Variants in IRX4 observed in about 807,000 individuals in gnomAD.
IRX4 encodes iroquois homeobox 4.
In IRX4, 22 loss-of-function variants were observed where a neutral mutation model predicts 32.0. The observed-to-expected ratio is 0.69, with a 90% CI of 0.49 to 0.98. The LOEUF (loss-of-function observed/expected upper bound fraction) is 0.98. IRX4 is among the 50% of genes least tolerant of loss of function. The pLI, the probability that IRX4 is intolerant of heterozygous loss-of-function variation, is 0.00. For missense variants in IRX4, 840 were observed against 744.2 expected, an observed-to-expected ratio of 1.13 and a Z score of -1.50; for synonymous variants, 379 against 351.7, an observed-to-expected ratio of 1.08 and a Z score of -0.87.
At position 1,878,903 on chromosome 5, in the gene IRX4, G is replaced by A. The variant is rs1579249660; in HGVS notation, c.737-111C>T. The A allele has an allele frequency of 1.2e-5, 14 of 1,151,052 alleles. No homozygotes were observed. In the South Asian group the frequency reaches 1.4e-4, roughly 12 times the overall value. The allele number at this position is 1,151,052 out of a possible 1,614,324, so 71.3% of individuals were successfully genotyped here. A position where few individuals can be genotyped will look rare whatever the true frequency, so the allele number is the denominator to read the frequency against. ...GTTCCCGACGCTACGAAAAGCACTC[G>A]GGGCCTCTCTTCGCGTCTCCCATTT... On this transcript the variant is annotated intron_variant, in intron 4 of 4. Coordinates refer to ENST00000231357, the MANE Select transcript of IRX4 (RefSeq NM_016358.3).
At chr5:1,887,141 C>T (rs935008556), upstream of IRX4, 23 of 151,706 alleles carry the variant, frequency 1.5e-4, no homozygotes, top group African/African-American at 5.1e-4. Context: ...AGCGGGGAGC[C>T]GGCGACAACT....
In IRX4 at chr5:1,877,844, C is replaced by T. The variant is rs116657720; in HGVS notation, c.*125G>A. The T allele has an allele frequency of 2.4e-3, 2,076 of 872,212 alleles. 19 individuals are homozygous for T. The highest frequency in any genetic ancestry group is 0.023 in the African/African-American group (1,286 of 55,480). 54.0% of individuals were successfully genotyped at this position (872,212 alleles called of 1,614,324 possible). ...GTTCCCAGGAGTCCAAGTTCAGAAG[C>T]CCCCTCTCCGGTGGGTTGGCGGCTT... On this transcript the variant is annotated 3_prime_UTR_variant, in exon 5 of 5. Coordinates refer to ENST00000231357, the MANE Select transcript of IRX4 (RefSeq NM_016358.3).
In IRX4 at chr5:1,877,904, A is replaced by G; in HGVS notation, c.*65T>C. 1.4e-6 allele frequency: 2 copies of G among 1,380,382 alleles called. No homozygotes were observed. Among genetic ancestry groups the G allele is most frequent in the South Asian group, 2.6e-5 (2 of 77,790 alleles). 85.5% of individuals were successfully genotyped at this position (1,380,382 alleles called of 1,614,324 possible). On this transcript the variant is annotated 3_prime_UTR_variant, in exon 5 of 5. Coordinates refer to ENST00000231357, the MANE Select transcript of IRX4 (RefSeq NM_016358.3). Reference sequence around the variant, plus strand: ...CGCGCTAGTCTTCCTCTGGAAACTCAGTGAAAAGAGTCGGCGCCGTCCGCC... The same window carrying G: ...CGCGCTAGTCTTCCTCTGGAAACTCGGTGAAAAGAGTCGGCGCCGTCCGCC...
At position 1,881,982 on chromosome 5, in the gene IRX4, G is replaced by A. The variant is rs1735461760; in HGVS notation, c.123C>T (p.Ala41=). The part of the protein sequence containing the change: ...GRTLADSGPA[A]SAQAPVYCPV... Reference sequence around the variant, plus strand: ...GGCAGTAGACCGGCGCCTGGGCCGAGGCGGCGGGCCCGGAGTCCGCCAGCG... The same window carrying A: ...GGCAGTAGACCGGCGCCTGGGCCGAAGCGGCGGGCCCGGAGTCCGCCAGCG... Residue 41 remains alanine (A), a synonymous_variant, in exon 2 of 5, where the codon GCC becomes GCT. Transcript: ENST00000231357. 1.3e-6 allele frequency: 2 copies of A among 1,551,900 alleles called. No homozygotes were observed. The highest frequency in any genetic ancestry group is 1.9e-5 in the Admixed American group (1 of 51,462).
Position 1,881,897 on chromosome 5 carries a change from G to T in IRX4, c.208C>A (p.Leu70Met). Reference sequence around the variant, plus strand: ...CCATAGGGACCCCCATAGACGCCCAGCGCCGCGGCCGAGTTGAGCTCGTGG... The same window carrying T: ...CCATAGGGACCCCCATAGACGCCCATCGCCGCGGCCGAGTTGAGCTCGTGG... ...ARHELNSAAA[L>M]GVYGGPYGGS... The change falls in exon 2 of 5, where the codon CTG becomes ATG. Residue 70 changes from leucine (L) to methionine (M), a missense_variant. Transcript: ENST00000231357. 1.3e-6 allele frequency: 2 copies of T among 1,585,670 alleles called. No individual in the cohort carries two copies. The highest frequency in any genetic ancestry group is 1.7e-6 in the Non-Finnish European group (2 of 1,166,794).
rs1579250443 is a variant in IRX4, at chr5:1,879,466, C to T, written c.736+38G>A. On this transcript the variant is annotated intron_variant, in intron 4 of 4. Transcript: ENST00000231357. ...GCAGAGAAGGCACTGTGCCTGCACT[C>T]CAGGGCCTCAGCCCCCAGTGACAAC... The T allele has an allele frequency of 3.7e-6, 6 of 1,612,672 alleles. No homozygotes were observed. In the African/African-American group the frequency reaches 5.3e-5, roughly 14 times the overall value.
At chr5:1,886,230 T>A (rs1312141287), upstream of IRX4, among the ~76,000 whole-genome samples, 2 of 152,224 alleles carry the variant, frequency 1.3e-5, no homozygotes, top group Non-Finnish European at 2.9e-5. Context: ...GGAGTTACCC[T>A]GGGGGCCACC....
chr5:1,882,433 T>C (rs1222832356), intron 1 of IRX4, among the ~76,000 whole-genome samples, 170 bp downstream of exon 1: 1 of 152,146 alleles, frequency 6.6e-6, no homozygotes, highest in Non-Finnish European at 1.5e-5. Context: ...GCCTCGGCCT[T>C]TCCCCGGGGG....
intron 3 of IRX4, chr5:1,880,142 T>A (rs1180047647): frequency 2.6e-6 from 4 of 1,535,468 alleles, no homozygotes; most frequent in Non-Finnish European, 3.5e-6. Flanking sequence ...AGCCGTTTGA[T>A]CCTCAAACCA....
chr5:1,883,398 C>A (rs1334637996), upstream of IRX4, among the ~76,000 whole-genome samples: 1 of 152,174 alleles, frequency 6.6e-6, no homozygotes, highest in African/African-American at 2.4e-5. Flanking sequence ...CAGGAAGGGG[C>A]TCGCAGGCGC....
Position 1,878,499 on chromosome 5 carries a change from G to C in IRX4, c.1030C>G (p.Pro344Ala), listed in dbSNP as rs1735294606. Residue 344 changes from proline to alanine, a missense_variant, in exon 5 of 5, where the codon CCT becomes GCT. Pro to Ala is a conservative substitution (Grantham distance 27). Around this residue, in one of 3 missense-constraint regions of IRX4, gnomAD observed 585 missense variants for 488.0 expected, o/e 1.20. Coordinates refer to ENST00000231357, the MANE Select transcript of IRX4 (RefSeq NM_016358.3). ...PEPLPGAEGG[P>A]QVCEAKLGFV... ...CCCAGCTTGGCCTCGCAGACCTGAG[G>C]GCCGCCCTCTGCGCCCGGCAGTGGC... 2.1e-6 allele frequency: 3 copies of C among 1,436,600 alleles called. No homozygotes were observed. The highest frequency in any genetic ancestry group is 2.7e-6 in the Non-Finnish European group (3 of 1,103,324). 89.0% of individuals were successfully genotyped at this position (1,436,600 alleles called of 1,614,324 possible). A position where few individuals can be genotyped will look rare whatever the true frequency, so the allele number is the denominator to read the frequency against.
At position 1,878,720 on chromosome 5, in the gene IRX4, G is replaced by A; in HGVS notation, c.809C>T (p.Pro270Leu). ...GGGCGGCTTCAGCTCGCACGCCGGCGGCTCTGCTTCCAGCGGGTCGAAGTC... is the reference window on the plus strand; with the variant it reads ...GGGCGGCTTCAGCTCGCACGCCGGCAGCTCTGCTTCCAGCGGGTCGAAGTC... ...LDDFDPLEAE[P>L]PACELKPPFH... Residue 270 changes from proline to leucine, a missense_variant, in exon 5 of 5, where the codon CCG becomes CTG. Transcript: ENST00000231357. The A allele has an allele frequency of 6.2e-7, 1 of 1,612,786 alleles. No individual in the cohort carries two copies. The highest frequency in any genetic ancestry group is 1.1e-5 in the South Asian group (1 of 91,058).
upstream of IRX4, among the ~76,000 whole-genome samples, chr5:1,883,636 C>G (rs553650231): frequency 3.6e-3 from 546 of 152,372 alleles, 5 homozygotes; most frequent in African/African-American, 0.012. Context: ...CGTGCGCCCA[C>G]CGGCTTTGCA....
At chr5:1,879,900 T>TG (rs1196502993) in intron 3 of IRX4, 68 bp from the exon 4 acceptor site, 18 of 1,594,990 alleles carry the variant, frequency 1.1e-5, no homozygotes, top group Non-Finnish European at 1.3e-5. Flanking sequence ...GGCATAGGGG[T>TG]GGGGGTCGGC....
Position 1,878,612 on chromosome 5 carries a change from A to G in IRX4, c.917T>C (p.Met306Thr). 1 of 1,565,422 alleles carries G rather than the reference A, an allele frequency of 6.4e-7. No homozygotes were observed. The change falls in exon 5 of 5, where the codon ATG becomes ACG. Residue 306 changes from methionine (M) to threonine (T), a missense_variant. This residue lies in a region of IRX4 where 585 missense variants were observed against 488.0 expected (regional missense o/e 1.20). Coordinates refer to ENST00000231357, the MANE Select transcript of IRX4 (RefSeq NM_016358.3). The stretch of plus-strand genomic sequence containing the variant: ...AGCTCCGCCACCCGCGGCCAGAGAC[A>G]TCCGGAGCGCGCCTGAGGCCTCCTT... ...PVKEASGALR[M>T]SLAAGGGAAL...
upstream of IRX4, among the ~76,000 whole-genome samples, chr5:1,885,120 AGGGGCCCAGCC>A (rs2111458980): frequency 6.6e-6 from 1 of 152,242 alleles, no homozygotes; most frequent in East Asian, 1.9e-4. Flanking sequence ...GCCAGGGCCC[AGGGGCCCAGCC>A]ACCTATGCCC....
At chr5:1,880,885 T>C (rs757584820) in intron 2 of IRX4, 51 bp from the exon 3 acceptor site, 14 of 1,358,710 alleles carry the variant, frequency 1.0e-5, no homozygotes. Flanking sequence ...GCAACCCCAC[T>C]CCAGCCTCTC....
chr5:1,881,372 G>A (rs971477368), intron 2 of IRX4, among the ~76,000 whole-genome samples: 1 of 141,136 alleles, frequency 7.1e-6, no homozygotes, highest in Non-Finnish European at 1.5e-5. Flanking sequence ...AACAAGGAGG[G>A]GGCGAAAGCA....
upstream of IRX4, chr5:1,883,866 C>T (rs1184250772): frequency 2.0e-5 from 3 of 152,326 alleles, no homozygotes; most frequent in Non-Finnish European, 2.9e-5. Flanking sequence ...TCAACCCAGG[C>T]CCCGGCCCCT....
Sources: gnomAD v4.1 joint callset for allele counts (sites outside exome capture counted in the v4.1 genomes callset) on GRCh38, gnomAD v4.1.1 for gene constraint, gnomAD v4.1.1 regional missense constraint, MANE v1.5 for transcripts, NCBI Gene and HGNC (gene_info 2026-07-23, HGNC 2026-07-21) for gene names.